Variants in WHRN observed in about 807,000 individuals in gnomAD.
WHRN encodes the protein CASK-interacting protein CIP98.
WHRN carries 41 observed loss-of-function variants against 68.3 expected under a neutral mutation model. The ratio of observed to expected loss-of-function variants is 0.60; its 90% CI spans 0.47 to 0.78. WHRN has a LOEUF of 0.78. Ranked by LOEUF, WHRN falls within the 30% of genes least tolerant of loss-of-function variation. The probability of loss-of-function intolerance (pLI) is 0.00; values close to 1 mark genes in which losing one functional copy is unlikely to be tolerated. For missense variants in WHRN, 1,243 were observed against 1,244.7 expected, an observed-to-expected ratio of 1.00 and a Z score of 0.02; for synonymous variants, 560 against 561.3, an observed-to-expected ratio of 1.00 and a Z score of 0.03.
intron 4 of WHRN, 113 bp from the exon 5 acceptor site, chr9:114,425,137 T>G: frequency 9.1e-7 from 1 of 1,095,940 alleles, no homozygotes; most frequent in Non-Finnish European, 1.4e-6. Context: ...GAACCATGCA[T>G]CGTGGCCTCC....
intron 7 of WHRN, among the ~76,000 whole-genome samples, chr9:114,412,500 G>A (rs1229350450): frequency 2.0e-5 from 3 of 152,280 alleles, no homozygotes; most frequent in Admixed American, 2.0e-4. Context: ...GATCAGAGCG[G>A]GAAGGTCATC....
At chr9:114,435,734 A>C (rs757242875) in intron 3 of WHRN, among the ~76,000 whole-genome samples, 54 of 152,228 alleles carry the variant, frequency 3.5e-4, no homozygotes, top group Admixed American at 1.1e-3. Flanking sequence ...TCAAGTCCAC[A>C]GCCTTCACAG....
intron 7 of WHRN, among the ~76,000 whole-genome samples, chr9:114,416,498 A>G (rs939572305): frequency 3.3e-5 from 5 of 152,146 alleles, no homozygotes; most frequent in Non-Finnish European, 7.4e-5. Flanking sequence ...GTAAGTTCTC[A>G]TGTGATCTGG....
intron 7 of WHRN, among the ~76,000 whole-genome samples, chr9:114,412,756 T>C (rs1278460733): frequency 1.3e-5 from 2 of 152,168 alleles, no homozygotes; most frequent in African/African-American, 4.8e-5. Flanking sequence ...CTTGGGGAAC[T>C]GTAAGGGGAT....
chr9:114,489,740 A>T lies in WHRN; in HGVS notation c.619-10969T>A, dbSNP rs1354432174. ...CAATAAAACCACTGCTGAGTGAATA[A>T]ACACTAAAATCTAAGCACATTTCTA... is the stretch of plus-strand genomic sequence containing the variant. On this transcript the variant is annotated intron_variant, in intron 1 of 11. Transcript: ENST00000362057. Among the ~76,000 whole-genome samples, 3 of 152,334 alleles carry T rather than the reference A, an allele frequency of 2.0e-5. No homozygotes were observed. The East Asian group carries it at 5.8e-4, about 29-fold the overall frequency.
intron 1 of WHRN, among the ~76,000 whole-genome samples, chr9:114,492,502 G>A (rs73555432): frequency 0.069 from 10,554 of 152,216 alleles, 1,214 homozygotes; most frequent in African/African-American, 0.24. Flanking sequence ...ATCGCTTGGT[G>A]TAACGAATAG....
chr9:114,406,913 CGGAGAAGGA>C (rs1835079266), intron 8 of WHRN, 21 bp from the exon 9 acceptor site: 1 of 1,556,986 alleles, frequency 6.4e-7, no homozygotes, highest in African/African-American at 1.4e-5. Flanking sequence ...ACCCAACAGG[CGGAGAAGGA>C]GTCAGACCCC....
intron 7 of WHRN, 58 bp downstream of exon 7, chr9:114,423,256 G>A: frequency 1.3e-6 from 2 of 1,574,766 alleles, no homozygotes; most frequent in African/African-American, 1.3e-5. Flanking sequence ...TCACTCCAAA[G>A]CCAGCATCTT....
At chr9:114,459,422 C>T (rs184762718) in intron 3 of WHRN, among the ~76,000 whole-genome samples, 130 of 151,990 alleles carry the variant, frequency 8.6e-4, no homozygotes, top group African/African-American at 2.9e-3. Flanking sequence ...GAGATCATGC[C>T]ACTACACTCC....
At chr9:114,485,786 C>T (rs1248195576) in intron 1 of WHRN, among the ~76,000 whole-genome samples, 1 of 73,618 alleles carries the variant, frequency 1.4e-5, no homozygotes, top group Non-Finnish European at 3.8e-5. Flanking sequence ...AGGAGGATTA[C>T]TTGAGGCCAG....
chr9:114,460,108 C>T (rs76515312), intron 3 of WHRN, among the ~76,000 whole-genome samples: 2,420 of 152,306 alleles, frequency 0.016, 73 homozygotes, highest in African/African-American at 0.056. Flanking sequence ...AGGCAAGATC[C>T]AGGAACCACA....
intron 7 of WHRN, among the ~76,000 whole-genome samples, chr9:114,415,073 G>C (rs375225931): frequency 1.3e-5 from 2 of 152,222 alleles, no homozygotes; most frequent in South Asian, 4.1e-4. Context: ...AAGGCGGGAG[G>C]ATCCCTTGAG....
chr9:114,439,101 G>A (rs1038451967), intron 3 of WHRN, among the ~76,000 whole-genome samples: 37 of 147,826 alleles, frequency 2.5e-4, no homozygotes, highest in African/African-American at 9.2e-4. Context: ...AGAAACAGAG[G>A]AATAAACCAA....
intron 1 of WHRN, among the ~76,000 whole-genome samples, chr9:114,491,933 C>T (rs1290475323): frequency 2.6e-5 from 4 of 151,330 alleles, no homozygotes; most frequent in East Asian, 3.9e-4. Flanking sequence ...GGGTCACTCC[C>T]GGGGTGACAA....
At chr9:114,430,500 T>C (rs756526422) in intron 3 of WHRN, among the ~76,000 whole-genome samples, 14 of 152,096 alleles carry the variant, frequency 9.2e-5, no homozygotes, top group Admixed American at 6.5e-4. Context: ...GGGGGCTGAT[T>C]TAGTGTTGTG....
At chr9:114,403,034 C>G in intron 11 of WHRN, 98 bp from the exon 12 acceptor site, 15 of 1,534,542 alleles carry the variant, frequency 9.8e-6, no homozygotes, top group Admixed American at 1.9e-5. Flanking sequence ...AAGCAGGCAG[C>G]TACAATCTGA....
intron 1 of WHRN, among the ~76,000 whole-genome samples, chr9:114,495,470 A>C (rs1199015175): frequency 6.6e-6 from 1 of 152,196 alleles, no homozygotes; most frequent in Non-Finnish European, 1.5e-5. Flanking sequence ...TGCAATACTC[A>C]AGTGGGAGAA....
chr9:114,446,039 G>A (rs1212677078), intron 3 of WHRN, among the ~76,000 whole-genome samples: 1 of 152,138 alleles, frequency 6.6e-6, no homozygotes, highest in Non-Finnish European at 1.5e-5. Context: ...CAAGCTATAT[G>A]ATAGAAATCA....
intron 3 of WHRN, among the ~76,000 whole-genome samples, chr9:114,439,999 G>A (rs1217464453): frequency 1.3e-5 from 2 of 152,060 alleles, no homozygotes; most frequent in South Asian, 2.1e-4. Flanking sequence ...TGCAACCTCC[G>A]TCTCCCGGGT....
Sources: allele counts gnomAD v4.1 joint callset (sites outside exome capture counted in the v4.1 genomes callset), GRCh38; gene constraint gnomAD v4.1.1; transcripts MANE v1.5; gene names NCBI Gene and HGNC (gene_info 2026-07-23, HGNC 2026-07-21).